Variants in CSMD1 observed in about 807,000 individuals in gnomAD.
CSMD1 encodes the protein CUB and sushi domain-containing protein 1.
Under a neutral mutation model 417.5 loss-of-function variants are expected in CSMD1, and 213 were observed. That is an observed-to-expected ratio of 0.51 (90% CI 0.46 to 0.57). The LOEUF is 0.57. Ranked by LOEUF, CSMD1 falls within the 20% of genes least tolerant of loss-of-function variation. CSMD1 has a pLI of 0.00. For synonymous variants in CSMD1, 2,862 were observed against 1,736.8 expected, an observed-to-expected ratio of 1.65 and a Z score of -16.11; for missense variants, 6,923 against 4,529.7, an observed-to-expected ratio of 1.53 and a Z score of -15.17.
chr8:4,866,895 T>C (rs1369239154), intron 1 of CSMD1, among the ~76,000 whole-genome samples: 1 of 152,000 alleles, frequency 6.6e-6, no homozygotes, highest in East Asian at 1.9e-4. Flanking sequence ...TCCTTAATTA[T>C]AATTTATTTG....
intron 3 of CSMD1, among the ~76,000 whole-genome samples, chr8:4,165,136 T>C (rs1273336304): frequency 6.6e-6 from 1 of 152,112 alleles, no homozygotes; most frequent in Non-Finnish European, 1.5e-5. Context: ...ATGACAGGTA[T>C]CTATATTTCA....
intron 3 of CSMD1, among the ~76,000 whole-genome samples, chr8:4,396,879 G>A (rs1241538480): frequency 3.3e-5 from 5 of 152,048 alleles, no homozygotes; most frequent in African/African-American, 9.7e-5. Flanking sequence ...AGGACTAGGG[G>A]GAAAGGGTGG....
At chr8:4,083,155 G>C (rs957702622) in intron 3 of CSMD1, among the ~76,000 whole-genome samples, 4 of 152,046 alleles carry the variant, frequency 2.6e-5, no homozygotes, top group African/African-American at 9.7e-5. Flanking sequence ...GGGTCAAATG[G>C]TATTTCTGGT....
At chr8:3,068,668 G>C (rs1026557591) in intron 49 of CSMD1, among the ~76,000 whole-genome samples, 1 of 152,138 alleles carries the variant, frequency 6.6e-6, no homozygotes, top group Non-Finnish European at 1.5e-5. Flanking sequence ...AGGGGGAGCA[G>C]GCTTCTCACA....
At chr8:4,553,239 C>A (rs1797947864) in intron 2 of CSMD1, among the ~76,000 whole-genome samples, 1 of 152,178 alleles carries the variant, frequency 6.6e-6, no homozygotes, top group Non-Finnish European at 1.5e-5. Flanking sequence ...GGACAGTCTG[C>A]AACCATCATA....
intron 52 of CSMD1, among the ~76,000 whole-genome samples, chr8:3,004,772 C>T (rs568439524): frequency 5.3e-5 from 8 of 152,126 alleles, no homozygotes; most frequent in Non-Finnish European, 1.0e-4. Context: ...GAACCAGTAA[C>T]GGAACCAAGA....
chr8:3,444,330 T>TA (rs1269803842), intron 12 of CSMD1, among the ~76,000 whole-genome samples: 1 of 152,136 alleles, frequency 6.6e-6, no homozygotes, highest in East Asian at 1.9e-4. Flanking sequence ...AAGAACACAC[T>TA]AAAAGGCAAA....
intron 1 of CSMD1, among the ~76,000 whole-genome samples, chr8:4,959,111 T>A (rs571269285): frequency 6.6e-6 from 1 of 152,208 alleles, no homozygotes; most frequent in Non-Finnish European, 1.5e-5. Context: ...TTAGTTTTAA[T>A]ATAGATTTTT....
At chr8:4,592,545 C>T (rs1800044698) in intron 2 of CSMD1, among the ~76,000 whole-genome samples, 2 of 151,896 alleles carry the variant, frequency 1.3e-5, no homozygotes, top group Non-Finnish European at 2.9e-5. Context: ...GGCCACCACG[C>T]CCAGCTAATT....
At chr8:3,236,018 C>G (rs1004867624) in intron 26 of CSMD1, among the ~76,000 whole-genome samples, 10 of 149,102 alleles carry the variant, frequency 6.7e-5, no homozygotes, top group African/African-American at 2.0e-4. Context: ...TCCGGGTTCA[C>G]GCCATTCTCC....
chr8:3,601,930 T>C (rs978969388), intron 8 of CSMD1, among the ~76,000 whole-genome samples: 4 of 152,040 alleles, frequency 2.6e-5, no homozygotes, highest in African/African-American at 9.7e-5. Context: ...GCACATTCTG[T>C]CTATAGTGAT....
At chr8:4,207,170 A>C (rs555243020) in intron 3 of CSMD1, among the ~76,000 whole-genome samples, 1 of 152,316 alleles carries the variant, frequency 6.6e-6, no homozygotes, top group East Asian at 1.9e-4. Flanking sequence ...TATAGTAATA[A>C]GTATAAGATT....
Position 2,938,720 on chromosome 8 carries a change from A to T in CSMD1, c.10560T>A (p.Asn3520Lys), listed in dbSNP as rs748022675. 6.2e-7 allele frequency: 1 copy of T among 1,610,418 alleles called. No individual in the cohort carries two copies. Among genetic ancestry groups the T allele is most frequent in the Non-Finnish European group, 8.5e-7 (1 of 1,178,152 alleles). ...TGCTGTTTTCATGCCCAGCATAGCC[A>T]TTGTATTGAACTTTTGGTCTCGTTC... ...KHRTRPKVQY[N>K]GYAGHENSNG... Residue 3520 changes from asparagine to lysine, a missense_variant, in exon 70 of 70, where the codon AAT (asparagine) becomes AAA (lysine). By Grantham distance (94) the Asn-to-Lys change is moderately conservative (BLOSUM62 0). Coordinates refer to ENST00000635120, the MANE Select transcript of CSMD1 (RefSeq NM_033225.6).
chr8:3,408,131 C>T lies in CSMD1; in HGVS notation c.1839G>A (p.Leu613=), dbSNP rs1812464901. The T allele has an allele frequency of 6.2e-7, 1 of 1,613,486 alleles. No homozygotes were observed. Among genetic ancestry groups the T allele is most frequent in the Non-Finnish European group, 8.5e-7 (1 of 1,179,730 alleles). Residue 613 remains leucine (L), a synonymous_variant, in exon 14 of 70, where the codon TTG becomes TTA. Coordinates refer to ENST00000635120, the MANE Select transcript of CSMD1 (RefSeq NM_033225.6). The part of the protein sequence containing the change: ...EYGNNMNCVW[L]IISEPGSRIH... ...TTCGACTTCCTGGCTCCGAGATAAT[C>T]AACCAGACACAGTTCATGTTGTTCC...
intron 3 of CSMD1, among the ~76,000 whole-genome samples, chr8:4,341,217 G>A (rs923317763): frequency 6.6e-6 from 1 of 152,038 alleles, no homozygotes; most frequent in African/African-American, 2.4e-5. Flanking sequence ...AAGTTTCCAT[G>A]GTACTAGCAA....
At chr8:4,064,068 G>C (rs886589722) in intron 3 of CSMD1, among the ~76,000 whole-genome samples, 1 of 152,202 alleles carries the variant, frequency 6.6e-6, no homozygotes, top group Non-Finnish European at 1.5e-5. Flanking sequence ...GAAGTGCGCA[G>C]TGTGAAGCCC....
At chr8:3,164,307 A>G (rs1427103740) in intron 37 of CSMD1, among the ~76,000 whole-genome samples, 1 of 152,120 alleles carries the variant, frequency 6.6e-6, no homozygotes, top group African/African-American at 2.4e-5. Context: ...GTTGAAATAG[A>G]TTTTTCCTTA....
Position 4,142,298 on chromosome 8 carries a change from CA to C in CSMD1, c.416-110200del, listed in dbSNP as rs1803838588. On this transcript the variant is annotated intron_variant, in intron 3 of 69. Coordinates refer to ENST00000635120, the MANE Select transcript of CSMD1 (RefSeq NM_033225.6). ...GGTATAAGGTAATGTTTCATGCTCC[CA>C]AAGATTTGCTATCTTTATCCACCTC... Among the ~76,000 whole-genome samples, 2 of 151,024 alleles carry C rather than the reference CA, an allele frequency of 1.3e-5. 1 individual carries two copies. The highest frequency in any genetic ancestry group is 5.0e-5 in the African/African-American group (2 of 40,398).
At position 3,854,240 on chromosome 8, in the gene CSMD1, T is replaced by A. The variant is rs1030911965; in HGVS notation, c.819-100198A>T. ...TAAAACATGTGAAACTTTCTTAAAA[T>A]CTCAGGAGTAATACATTTAACTCCA... On this transcript the variant is annotated intron_variant, in intron 5 of 69. Transcript: ENST00000635120. 7.4e-4 allele frequency among the ~76,000 whole-genome samples: 111 copies of A among 150,438 alleles called. 1 individual carries two copies. The highest frequency in any genetic ancestry group is 1.5e-4 in the Non-Finnish European group (10 of 67,646).
Sources: gnomAD v4.1 joint callset for allele counts (sites outside exome capture counted in the v4.1 genomes callset) on GRCh38, gnomAD v4.1.1 for gene constraint, MANE v1.5 for transcripts, NCBI Gene and HGNC (gene_info 2026-07-23, HGNC 2026-07-21) for gene names.